The following CADPS2 variants were observed in gnomAD, a reference collection of about 807,000 sequenced individuals.
CADPS2 encodes the protein calcium-dependent secretion activator 2.
A neutral mutation model predicts 172.5 loss-of-function variants in CADPS2; 93 were observed. That is an observed-to-expected ratio of 0.54 (90% confidence interval 0.46 to 0.64). The LOEUF (loss-of-function observed/expected upper bound fraction) is 0.64, where lower values mean the gene tolerates loss of function less well. CADPS2 is among the 30% of genes least tolerant of loss of function. The pLI, the probability that CADPS2 is intolerant of heterozygous loss-of-function variation, is 0.00. For missense variants in CADPS2, 1,420 were observed against 1,565.9 expected (o/e 0.91, Z 1.57); for synonymous variants, 546 against 555.2 (o/e 0.98, Z 0.23).
intron 8 of CADPS2, among the ~76,000 whole-genome samples, chr7:122,542,543 A>G (rs1219367583): frequency 6.6e-6 from 1 of 152,132 alleles, no homozygotes; most frequent in Non-Finnish European, 1.5e-5. Context: ...CTTTCTATAA[A>G]TAAAACATGC....
At chr7:122,491,911 G>A (rs1283774328) in intron 9 of CADPS2, among the ~76,000 whole-genome samples, 3 of 152,074 alleles carry the variant, frequency 2.0e-5, no homozygotes, top group Non-Finnish European at 4.4e-5. Flanking sequence ...AAGATCTCAC[G>A]CCTGTAATCC....
At position 122,819,299 on chromosome 7, in the gene CADPS2, C is replaced by T. The variant is rs564306075; in HGVS notation, c.339+66700G>A. ...CCCCACTGAAAATCGGACTGTTCAACTCACCTGGCAGCCACTCCCAGAGCC... is the reference window on the plus strand; with the variant it reads ...CCCCACTGAAAATCGGACTGTTCAATTCACCTGGCAGCCACTCCCAGAGCC... On this transcript the variant is annotated intron_variant, in intron 1 of 29. Coordinates refer to ENST00000449022, the MANE Select transcript of CADPS2 (RefSeq NM_017954.11). 7.4e-4 allele frequency among the ~76,000 whole-genome samples: 113 copies of T among 152,290 alleles called. 1 individual carries two copies. Among genetic ancestry groups the T allele is most frequent in the Admixed American group, 1.2e-3 (18 of 15,290 alleles).
chr7:122,417,870 T>G (rs2048107119), intron 17 of CADPS2, among the ~76,000 whole-genome samples: 1 of 152,130 alleles, frequency 6.6e-6, no homozygotes, highest in Non-Finnish European at 1.5e-5. Context: ...AGAAATACTG[T>G]ATGACACAGA....
chr7:122,815,135 A>G (rs1563082544), intron 1 of CADPS2, among the ~76,000 whole-genome samples: 1 of 152,162 alleles, frequency 6.6e-6, no homozygotes. Context: ...ATAGACTGCA[A>G]CATAGCTACA....
intron 2 of CADPS2, among the ~76,000 whole-genome samples, chr7:122,692,699 CA>C (rs1196274129): frequency 6.6e-6 from 1 of 152,238 alleles, no homozygotes; most frequent in Non-Finnish European, 1.5e-5. Flanking sequence ...ACGTCATGCC[CA>C]GGGTCCAGCC....
intron 8 of CADPS2, among the ~76,000 whole-genome samples, chr7:122,534,425 G>A (rs2062045479): frequency 1.3e-5 from 2 of 151,996 alleles, no homozygotes; most frequent in African/African-American, 4.8e-5. Context: ...ATATTTACTA[G>A]GCTGAAAGAT....
intron 8 of CADPS2, among the ~76,000 whole-genome samples, chr7:122,550,627 T>C (rs1396358628): frequency 6.6e-6 from 1 of 151,944 alleles, no homozygotes; most frequent in East Asian, 1.9e-4. Flanking sequence ...AAAGTAACCT[T>C]TGAATTAGGA....
In CADPS2 at chr7:122,617,693, CAT is replaced by C. The variant is rs199521819; in HGVS notation, c.1105-2396_1105-2395del. ...AAATTGGGGACCATATAGCACCAAA[CAT>C]AGAGAAAGTCATGGGATCTGCTAGC... On this transcript the variant is annotated intron_variant, in intron 5 of 29. Coordinates refer to ENST00000449022, the MANE Select transcript of CADPS2 (RefSeq NM_017954.11). 7.4e-3 allele frequency among the ~76,000 whole-genome samples: 1,128 copies of C among 152,224 alleles called. 11 individuals are homozygous for C. The highest frequency in any genetic ancestry group is 0.026 in the African/African-American group (1,064 of 41,530).
chr7:122,591,600 C>T (rs1229903662), intron 6 of CADPS2, among the ~76,000 whole-genome samples: 1 of 152,228 alleles, frequency 6.6e-6, no homozygotes, highest in East Asian at 1.9e-4. Context: ...TACAAGGCTA[C>T]AGTAACCAAA....
chr7:122,578,093 C>CAT (rs965712276), intron 7 of CADPS2, among the ~76,000 whole-genome samples: 10 of 149,660 alleles, frequency 6.7e-5, no homozygotes, highest in Non-Finnish European at 4.4e-5. Flanking sequence ...TATATATACA[C>CAT]ATATATATAC....
intron 9 of CADPS2, among the ~76,000 whole-genome samples, chr7:122,508,369 ACTT>A (rs1333845304): frequency 6.6e-6 from 1 of 151,808 alleles, no homozygotes; most frequent in Non-Finnish European, 1.5e-5. Context: ...GATTAAAAAA[ACTT>A]AAATGTTCAA....
intron 1 of CADPS2, among the ~76,000 whole-genome samples, chr7:122,790,702 A>T (rs189260552): frequency 8.5e-5 from 13 of 152,308 alleles, no homozygotes; most frequent in Non-Finnish European, 1.9e-4. Context: ...GTCATTCTTC[A>T]AATTATAGCT....
At chr7:122,684,898 A>C (rs2083457648) in intron 2 of CADPS2, among the ~76,000 whole-genome samples, 1 of 152,202 alleles carries the variant, frequency 6.6e-6, no homozygotes, top group Non-Finnish European at 1.5e-5. Context: ...TAAAAATGGA[A>C]AAAAAAGTCT....
chr7:122,389,277 C>G (rs540173264), intron 22 of CADPS2, among the ~76,000 whole-genome samples: 2 of 152,042 alleles, frequency 1.3e-5, no homozygotes, highest in African/African-American at 4.8e-5. Context: ...GGTAGGGAAG[C>G]AATCTTTTAT....
chr7:122,864,693 T>C (rs907057671), intron 1 of CADPS2, among the ~76,000 whole-genome samples: 1 of 152,178 alleles, frequency 6.6e-6, no homozygotes, highest in Non-Finnish European at 1.5e-5. Context: ...AAGGGATAAG[T>C]ATATTAATTA....
At chr7:122,688,735 C>A (rs1043413407) in intron 2 of CADPS2, among the ~76,000 whole-genome samples, 4 of 150,176 alleles carry the variant, frequency 2.7e-5, no homozygotes, top group Non-Finnish European at 4.4e-5. Flanking sequence ...AAATGATGAG[C>A]CTTCCCATTT....
At chr7:122,659,642 G>C (rs1002030343) in intron 3 of CADPS2, among the ~76,000 whole-genome samples, 2 of 151,896 alleles carry the variant, frequency 1.3e-5, no homozygotes, top group Admixed American at 1.3e-4. Flanking sequence ...ACAGATACAG[G>C]AAGCTCAGAA....
chr7:122,652,023 T>C (rs2079203758), intron 3 of CADPS2, among the ~76,000 whole-genome samples: 1 of 152,220 alleles, frequency 6.6e-6, no homozygotes, highest in South Asian at 2.1e-4. Context: ...GCCATGCATT[T>C]CATGCCTGCA....
chr7:122,459,946 T>C (rs572439202), intron 14 of CADPS2, among the ~76,000 whole-genome samples: 58 of 152,290 alleles, frequency 3.8e-4, no homozygotes, highest in Non-Finnish European at 7.5e-4. Context: ...ACATCTGATC[T>C]AGTTTGGAGT....
Sources: gnomAD v4.1 joint callset for allele counts (sites outside exome capture counted in the v4.1 genomes callset) on GRCh38, gnomAD v4.1.1 for gene constraint, MANE v1.5 for transcripts, NCBI Gene and HGNC (gene_info 2026-07-23, HGNC 2026-07-21) for gene names.